NSD1: variants seen among roughly 807,000 people sequenced by gnomAD.
NSD1 encodes the protein histone-lysine N-methyltransferase, H3 lysine-36 specific.
NSD1 carries 26 observed loss-of-function variants against 242.7 expected under a neutral mutation model. The observed-to-expected ratio is 0.11, with a 90% confidence interval of 0.08 to 0.15. The LOEUF (loss-of-function observed/expected upper bound fraction) is 0.15. NSD1 is among the 10% of genes least tolerant of loss of function. The pLI is 1.00. For synonymous variants in NSD1, 1,106 were observed against 1,178.1 expected, an observed-to-expected ratio of 0.94 and a Z score of 1.25; for missense variants, 2,495 against 3,272.8, an observed-to-expected ratio of 0.76 and a Z score of 5.80.
Position 177,211,006 on chromosome 5 carries a change from C to T in NSD1, c.2607C>T (p.Tyr869=), listed in dbSNP as rs539645226. The part of the protein sequence containing the change: ...HVLSELKELS[Y]RSLGEDVSDS... ...TATCCGAGTTGAAGGAACTCTCTTA[C>T]AGATCCTTAGGTGAGGATGTCAGTG... is the stretch of plus-strand genomic sequence containing the variant. Residue 869 remains tyrosine, a synonymous_variant, in exon 5 of 23, where the codon TAC becomes TAT. Transcript: ENST00000439151. 1 of 1,614,140 alleles carries T rather than the reference C, an allele frequency of 6.2e-7. No individual in the cohort carries two copies. Among genetic ancestry groups the T allele is most frequent in the African/African-American group, 1.3e-5 (1 of 75,062 alleles).
intron 11 of NSD1, 143 bp downstream of exon 11, chr5:177,248,467 A>G (rs1291620138): frequency 1.7e-6 from 2 of 1,150,890 alleles, no homozygotes; most frequent in African/African-American, 3.1e-5. Flanking sequence ...TAAGGATTTG[A>G]CCCCTTTTTT....
intron 2 of NSD1, among the ~76,000 whole-genome samples, chr5:177,139,165 C>T (rs1756596627): frequency 1.3e-5 from 2 of 151,670 alleles, no homozygotes; most frequent in South Asian, 4.2e-4. Flanking sequence ...GCAGGAGAAT[C>T]ACTTGAACCC....
At chr5:177,136,750 C>T (rs962149490) in intron 2 of NSD1, 53 of 531,670 alleles carry the variant, frequency 1.0e-4, no homozygotes, top group South Asian at 9.3e-4. Context: ...CCCATCACCA[C>T]GCCCGGCTAA....
intron 22 of NSD1, among the ~76,000 whole-genome samples, chr5:177,292,716 A>G (rs1171277106): frequency 6.6e-6 from 1 of 152,196 alleles, no homozygotes; most frequent in African/African-American, 2.4e-5. Flanking sequence ...ATTTGGTTGT[A>G]TCAGTTAATA....
chr5:177,223,009 G>C (rs1489325696), intron 5 of NSD1, among the ~76,000 whole-genome samples: 1 of 151,802 alleles, frequency 6.6e-6, no homozygotes, highest in Non-Finnish European at 1.5e-5. Flanking sequence ...TATATGGTGT[G>C]AGTGAGGGGT....
At chr5:177,142,077 G>A (rs985343276) in intron 2 of NSD1, among the ~76,000 whole-genome samples, 2 of 152,042 alleles carry the variant, frequency 1.3e-5, no homozygotes, top group African/African-American at 2.4e-5. Context: ...CAAGTGATAC[G>A]CCTGCCTCTG....
In NSD1 at chr5:177,247,587, G is replaced by A. The variant is rs76617090; in HGVS notation, c.4498-594G>A. On this transcript the variant is annotated intron_variant, in intron 10 of 22. Coordinates refer to ENST00000439151, the MANE Select transcript of NSD1 (RefSeq NM_022455.5). ...ACTTAAAAAAAAAAAAAAAAAAATC[G>A]AGACTGCTGTGGTTAGCGGGAAGAT... Among the ~76,000 whole-genome samples, 1,149 of 149,210 alleles carry A rather than the reference G, an allele frequency of 7.7e-3. 6 individuals are homozygous for A. The highest frequency in any genetic ancestry group is 0.019 in the African/African-American group (753 of 40,216).
chr5:177,261,560 GT>G (rs1271807797), intron 14 of NSD1, among the ~76,000 whole-genome samples: 1 of 151,960 alleles, frequency 6.6e-6, no homozygotes, highest in Non-Finnish European at 1.5e-5. Flanking sequence ...CGTTATTTCA[GT>G]TTTTCTCTTG....
rs772882533 is a variant in NSD1 at position 177,295,178 on chromosome 5, G to A, written c.7810G>A (p.Gly2604Arg). The change falls in exon 23 of 23, where the codon GGG becomes AGG. Residue 2604 changes from glycine (G) to arginine (R), a missense_variant. Gly to Arg is a moderately radical substitution (Grantham distance 125, BLOSUM62 -2). Transcript: ENST00000439151. The surrounding 1 kb of genome is among the most constrained non-coding windows in gnomAD (Gnocchi z 4.3). The part of the protein sequence containing the change: ...AKSGQSFRSL[G>R]KAPASLPTEE... ...GAGTGGGCAATCTTTTAGGTCTCTC[G>A]GGAAGGCCCCAGCCTCCCTCCCCAC... 9 of 1,614,056 alleles carry A rather than the reference G, an allele frequency of 5.6e-6. No homozygotes were observed. Among genetic ancestry groups the A allele is most frequent in the Non-Finnish European group, 5.9e-6 (7 of 1,180,032 alleles).
intron 17 of NSD1, among the ~76,000 whole-genome samples, chr5:177,276,587 A>G (rs911092568): frequency 6.6e-6 from 1 of 152,074 alleles, no homozygotes; most frequent in African/African-American, 2.4e-5. Flanking sequence ...CGGTCTCCCA[A>G]AGTTGAGCCT....
chr5:177,295,435 G>A lies in NSD1; in HGVS notation c.8067G>A (p.Lys2689=). The A allele has an allele frequency of 6.2e-7, 1 of 1,614,124 alleles. No individual in the cohort carries two copies. Among genetic ancestry groups the A allele is most frequent in the Non-Finnish European group, 8.5e-7 (1 of 1,179,996 alleles). Residue 2689 remains lysine (K), a synonymous_variant, in exon 23 of 23, where the codon AAG becomes AAA. Coordinates refer to ENST00000439151, the MANE Select transcript of NSD1 (RefSeq NM_022455.5). The surrounding 1 kb of genome is among the most constrained non-coding windows in gnomAD (Gnocchi z 4.3). ...TTAACCAGGCTCCTTCCAGTCACAA[G>A]TGTGCAGAATCAGAACAGAAGTAGT... is the stretch of plus-strand genomic sequence containing the variant. ...PALNQAPSSH[K]CAESEQK
At chr5:177,293,541 C>CG (rs1419409143) in intron 22 of NSD1, among the ~76,000 whole-genome samples, 1 of 145,566 alleles carries the variant, frequency 6.9e-6, no homozygotes, top group Non-Finnish European at 1.5e-5. Context: ...CCCGCCCCCC[C>CG]CTCACCTCCT....
chr5:177,138,399 G>A (rs1296181298), intron 2 of NSD1, among the ~76,000 whole-genome samples: 1 of 152,018 alleles, frequency 6.6e-6, no homozygotes, highest in Non-Finnish European at 1.5e-5. Flanking sequence ...GGGACTACAG[G>A]TGTGCACCAC....
intron 21 of NSD1, among the ~76,000 whole-genome samples, chr5:177,291,360 A>G (rs6886255): frequency 0.72 from 109,216 of 152,194 alleles, 40,476 homozygotes; most frequent in Middle Eastern, 0.85. Context: ...GACGAATATA[A>G]AAGTGAAACT....
intron 2 of NSD1, among the ~76,000 whole-genome samples, chr5:177,149,275 G>A (rs1170229484): frequency 6.6e-6 from 1 of 151,774 alleles, no homozygotes; most frequent in Non-Finnish European, 1.5e-5. Context: ...CTGGAGTGCA[G>A]TGATGCCATC....
intron 20 of NSD1, among the ~76,000 whole-genome samples, chr5:177,285,976 A>G (rs1581540837): frequency 6.6e-6 from 1 of 151,772 alleles, no homozygotes; most frequent in African/African-American, 2.4e-5. Flanking sequence ...GCTCACTGCA[A>G]CCTCCACCTC....
chr5:177,135,269 A>C lies in NSD1; in HGVS notation c.166A>C (p.Thr56Pro), dbSNP rs769958493. 6.2e-7 allele frequency: 1 copy of C among 1,613,846 alleles called. No homozygotes were observed. Among genetic ancestry groups the C allele is most frequent in the Non-Finnish European group, 8.5e-7 (1 of 1,179,706 alleles). Reference protein sequence around the residue: ...CTMQLSTVSGTSQNAYGQDSP... With the variant: ...CTMQLSTVSGPSQNAYGQDSP... ...TATGCAGTTATCGACTGTCAGTGGAACATCCCAAAATGCTTATGGACAAGA... is the reference window on the plus strand; with the variant it reads ...TATGCAGTTATCGACTGTCAGTGGACCATCCCAAAATGCTTATGGACAAGA... The change falls in exon 2 of 23, where the codon ACA becomes CCA. Residue 56 changes from threonine to proline, a missense_variant. Physicochemically the swap from Thr to Pro is conservative, Grantham distance 38. This residue lies in a region of NSD1 where 376 missense variants were observed against 367.4 expected (regional missense o/e 1.02). Coordinates refer to ENST00000439151, the MANE Select transcript of NSD1 (RefSeq NM_022455.5).
intron 21 of NSD1, among the ~76,000 whole-genome samples, chr5:177,290,941 G>A (rs1441808516): frequency 6.6e-6 from 1 of 152,196 alleles, no homozygotes; most frequent in East Asian, 1.9e-4. Context: ...ATGTCTGCAT[G>A]GGATAGCATT....
chr5:177,178,655 A>T (rs1043152724), intron 2 of NSD1, among the ~76,000 whole-genome samples: 3 of 152,206 alleles, frequency 2.0e-5, no homozygotes, highest in African/African-American at 7.2e-5. Flanking sequence ...CTGAAGCTAG[A>T]GTGCAGTGGA....
Sources: allele counts gnomAD v4.1 joint callset (sites outside exome capture counted in the v4.1 genomes callset), GRCh38; gene constraint gnomAD v4.1.1; regional missense constraint gnomAD v4.1.1; non-coding constraint Gnocchi (gnomAD v3.1); transcripts MANE v1.5; gene names NCBI Gene and HGNC (gene_info 2026-07-23, HGNC 2026-07-21).